CHID1: variants seen among roughly 807,000 people sequenced by gnomAD.
CHID1 encodes chitinase domain-containing protein 1.
In CHID1, 44 loss-of-function variants were observed where a neutral mutation model predicts 55.4. The observed-to-expected ratio is 0.79, with a 90% CI of 0.62 to 1.02. The LOEUF (loss-of-function observed/expected upper bound fraction) is 1.02. Ranked by LOEUF, CHID1 falls within the 50% of genes least tolerant of loss-of-function variation. The pLI, the probability that CHID1 is intolerant of heterozygous loss-of-function variation, is 0.00. For synonymous variants in CHID1, 216 were observed against 212.9 expected, an observed-to-expected ratio of 1.01 and a Z score of -0.13; for missense variants, 491 against 515.3, an observed-to-expected ratio of 0.95 and a Z score of 0.46.
chr11:871,746 T>A (rs1347648197), intron 10 of CHID1, among the ~76,000 whole-genome samples: 1 of 152,188 alleles, frequency 6.6e-6, no homozygotes, highest in Non-Finnish European at 1.5e-5. Flanking sequence ...CTGGGCCGTG[T>A]GGCATGGACA....
In CHID1 at chr11:870,001, C is replaced by A. The variant is rs200188854; in HGVS notation, c.1084-45G>T. The stretch of plus-strand genomic sequence containing the variant: ...TGAGCACCTGCTGGGGCCTGTCCCC[C>A]CAACACCCAGGGATGTCCTCCAGGC... On this transcript the variant is annotated intron_variant, in intron 12 of 12. Coordinates refer to ENST00000323578, the MANE Select transcript of CHID1 (RefSeq NM_023947.4). 987 of 1,608,728 alleles carry A rather than the reference C, an allele frequency of 6.1e-4. 12 individuals carry two copies. In the East Asian group the frequency reaches 0.016, roughly 27 times the overall value.
At chr11:907,374 G>C (rs1031591059) in intron 1 of CHID1, among the ~76,000 whole-genome samples, 2 of 151,982 alleles carry the variant, frequency 1.3e-5, no homozygotes, top group African/African-American at 4.8e-5. Context: ...CCAGCTATTC[G>C]AGAGGCTGAA....
At position 883,249 on chromosome 11, in the gene CHID1, G is replaced by A. The variant is rs1850138489; in HGVS notation, c.858C>T (p.Asp286=). ...TTTTGCTTCGCCACTTGGACTTCGG[G>A]TCCAGGACCTGGACGCAGGCTCGAA... ...SWVRACVQVL[D]PKSKWRSKIL... The change falls in exon 10 of 13, where the codon GAC becomes GAT. Residue 286 remains aspartate (D), a synonymous_variant. Coordinates refer to ENST00000323578, the MANE Select transcript of CHID1 (RefSeq NM_023947.4). The A allele has an allele frequency of 1.2e-6, 2 of 1,614,172 alleles. No homozygotes were observed. The highest frequency in any genetic ancestry group is 1.3e-5 in the African/African-American group (1 of 75,070).
intron 10 of CHID1, among the ~76,000 whole-genome samples, chr11:873,234 G>A (rs1284030847): frequency 6.6e-6 from 1 of 152,088 alleles, no homozygotes; most frequent in Admixed American, 6.5e-5. Flanking sequence ...ACAGCAGAGG[G>A]AGTCCAGGCC....
Position 902,992 on chromosome 11 carries a change from A to G in CHID1, c.231T>C (p.Phe77=). ...TGACATAGCCCAGTACATCCCCAGC[A>G]AAGTGTCTGTCCCGGGCCTTTGCCG... The part of the protein sequence containing the change: ...YCSAKARDRH[F]AGDVLGYVTP... The change falls in exon 3 of 13, where the codon TTT becomes TTC. Residue 77 remains phenylalanine (F), a synonymous_variant. Transcript: ENST00000323578. 1 of 1,614,028 alleles carries G rather than the reference A, an allele frequency of 6.2e-7. No individual in the cohort carries two copies. Among genetic ancestry groups the G allele is most frequent in the Non-Finnish European group, 8.5e-7 (1 of 1,180,002 alleles).
upstream of CHID1, chr11:914,469 A>G: frequency 8.2e-7 from 1 of 1,219,670 alleles, no homozygotes; most frequent in Non-Finnish European, 1.1e-6. Context: ...GCCTGCAGAG[A>G]TGAGTGTTTC....
At chr11:879,775 C>T (rs1433140612) in intron 10 of CHID1, among the ~76,000 whole-genome samples, 1 of 152,246 alleles carries the variant, frequency 6.6e-6, no homozygotes, top group Non-Finnish European at 1.5e-5. Flanking sequence ...GTGAGCAGAG[C>T]CCACAGCTGG....
intron 10 of CHID1, among the ~76,000 whole-genome samples, chr11:873,930 C>T (rs1796369397): frequency 6.6e-6 from 1 of 151,640 alleles, no homozygotes; most frequent in African/African-American, 2.4e-5. Flanking sequence ...CCGAGACGCG[C>T]CACAGAGCAA....
intron 10 of CHID1, among the ~76,000 whole-genome samples, chr11:877,340 T>A (rs1238337872): frequency 2.0e-5 from 3 of 152,182 alleles, no homozygotes; most frequent in Non-Finnish European, 2.9e-5. Context: ...AGTCTCCACC[T>A]CCACAGCTCA....
chr11:900,940 G>A lies in CHID1; in HGVS notation c.435C>T (p.His145=). Residue 145 remains histidine, a synonymous_variant, in exon 5 of 13, where the codon CAC becomes CAT. Coordinates refer to ENST00000323578, the MANE Select transcript of CHID1 (RefSeq NM_023947.4). ...RAVRKHAKGL[H]IVPRLLFEDW... ...CTCCTGGCCTGCCGCACTTACCTAT[G>A]TGCAGGCCCTTGGCATGCTTCCTGA... The A allele has an allele frequency of 6.2e-7, 1 of 1,603,174 alleles. No homozygotes were observed.
chr11:894,299 G>GT (rs981988550), intron 7 of CHID1, among the ~76,000 whole-genome samples: 5 of 152,156 alleles, frequency 3.3e-5, no homozygotes, highest in African/African-American at 1.2e-4. Context: ...GGGAGCAGCA[G>GT]TTAGGCCTCC....
At chr11:886,723 C>T (rs1472260784) in intron 8 of CHID1, among the ~76,000 whole-genome samples, 1 of 152,214 alleles carries the variant, frequency 6.6e-6, no homozygotes, top group African/African-American at 2.4e-5. Flanking sequence ...CTTGCCAGCG[C>T]CTCTCCGAGT....
intron 7 of CHID1, 24 bp downstream of exon 7, chr11:899,316 C>A: frequency 6.3e-7 from 1 of 1,585,962 alleles, no homozygotes; most frequent in South Asian, 1.1e-5. Flanking sequence ...GGAGGGCCAC[C>A]CACCACCACC....
intron 7 of CHID1, among the ~76,000 whole-genome samples, chr11:896,500 G>C (rs1411907236): frequency 4.9e-5 from 6 of 121,700 alleles, no homozygotes; most frequent in South Asian, 2.8e-4. Flanking sequence ...CAGACATGAG[G>C]CTGTCTCAGC....
chr11:906,189 C>T (rs1022324205), intron 1 of CHID1, among the ~76,000 whole-genome samples: 2 of 151,910 alleles, frequency 1.3e-5, no homozygotes, highest in East Asian at 1.9e-4. Context: ...CCACCTCGGC[C>T]CCCCCAAAGT....
intron 10 of CHID1, among the ~76,000 whole-genome samples, chr11:871,142 C>T (rs1849152387): frequency 6.6e-6 from 1 of 152,134 alleles, no homozygotes; most frequent in Non-Finnish European, 1.5e-5. Flanking sequence ...AAGCACACAT[C>T]ACCATGCCCG....
At chr11:909,157 C>G (rs1852450345) in intron 1 of CHID1, among the ~76,000 whole-genome samples, 1 of 152,208 alleles carries the variant, frequency 6.6e-6, no homozygotes, top group African/African-American at 2.4e-5. Context: ...CTTGTCTGGG[C>G]TTTGGTACCT....
At chr11:887,447 C>T (rs565323538) in intron 8 of CHID1, among the ~76,000 whole-genome samples, 3 of 152,194 alleles carry the variant, frequency 2.0e-5, no homozygotes, top group African/African-American at 4.8e-5. Context: ...CTGGTCTTCT[C>T]GCTCCTTTGT....
At chr11:883,098 A>G in intron 10 of CHID1, 50 bp downstream of exon 10, 1 of 1,574,808 alleles carries the variant, frequency 6.3e-7, no homozygotes, top group Non-Finnish European at 8.7e-7. Context: ...ACCCACACCC[A>G]CCCGCGCCCA....
Sources: allele counts gnomAD v4.1 joint callset (sites outside exome capture counted in the v4.1 genomes callset), GRCh38; gene constraint gnomAD v4.1.1; transcripts MANE v1.5; gene names NCBI Gene and HGNC (gene_info 2026-07-23, HGNC 2026-07-21).